Variants in BDH2 observed in about 807,000 individuals in gnomAD.
BDH2 encodes the protein dehydrogenase/reductase SDR family member 6.
A neutral mutation model predicts 33.2 loss-of-function variants in BDH2; 24 were observed. That is an observed-to-expected ratio of 0.72 (90% CI 0.52 to 1.02). BDH2 has a LOEUF of 1.02. BDH2 is among the 50% of genes least tolerant of loss of function. The pLI is 0.00. For synonymous variants in BDH2, 81 were observed against 101.6 expected, an observed-to-expected ratio of 0.80 and a Z score of 1.22; for missense variants, 249 against 301.6, an observed-to-expected ratio of 0.83 and a Z score of 1.29.
intron 1 of BDH2, 21 bp from the exon 2 acceptor site, chr4:103,096,295 T>C: frequency 6.9e-7 from 1 of 1,454,690 alleles, no homozygotes; most frequent in Non-Finnish European, 9.6e-7. Context: ...GTGTGTTTAA[T>C]GGGTTATACT....
chr4:103,086,197 G>T (rs1578502275), intron 6 of BDH2: 2 of 1,198,822 alleles, frequency 1.7e-6, no homozygotes, highest in East Asian at 8.5e-5. Context: ...TTAATTAAAT[G>T]TTAAATGGTT....
chr4:103,085,776 TAACAA>T (rs1476958743), intron 6 of BDH2: 9 of 1,327,912 alleles, frequency 6.8e-6, no homozygotes, highest in African/African-American at 5.9e-5. Flanking sequence ...TGAAGATTAA[TAACAA>T]AACAAAACAA....
intron 5 of BDH2, among the ~76,000 whole-genome samples, chr4:103,089,591 T>G (rs1747973656): frequency 6.6e-6 from 1 of 152,210 alleles, no homozygotes; most frequent in Admixed American, 6.5e-5. Context: ...AGTTTACATT[T>G]CAGCTCCACT....
intron 3 of BDH2, among the ~76,000 whole-genome samples, chr4:103,094,197 A>G (rs1260430101): frequency 1.3e-5 from 2 of 152,210 alleles, no homozygotes; most frequent in Non-Finnish European, 2.9e-5. Flanking sequence ...GTCTCCAGCC[A>G]CATGTGGCTA....
At chr4:103,090,768 C>T (rs1748043752) in intron 5 of BDH2, among the ~76,000 whole-genome samples, 1 of 152,202 alleles carries the variant, frequency 6.6e-6, no homozygotes, top group South Asian at 2.1e-4. Context: ...CCAGTTTCAC[C>T]TTTGCGGTGG....
intron 7 of BDH2, 77 bp from the exon 8 acceptor site, chr4:103,083,006 T>C: frequency 7.8e-7 from 1 of 1,289,798 alleles, no homozygotes; most frequent in Non-Finnish European, 1.1e-6. Context: ...TTCCTTTCCA[T>C]ATGACAATCA....
At position 103,090,112 on chromosome 4, in the gene BDH2, G is replaced by T. The variant is rs551524385; in HGVS notation, c.357+1065C>A. 2.6e-5 allele frequency among the ~76,000 whole-genome samples: 4 copies of T among 152,308 alleles called. No individual in the cohort carries two copies. The East Asian group carries it at 7.7e-4, about 29-fold the overall frequency. The stretch of plus-strand genomic sequence containing the variant: ...AATCCAGCTGGGATGGAAGGGAAAA[G>T]TTGTTCTTCTGCATTTCACTAGGTT... On this transcript the variant is annotated intron_variant, in intron 5 of 9. Coordinates refer to ENST00000296424, the MANE Select transcript of BDH2 (RefSeq NM_020139.4).
intron 5 of BDH2, 24 bp downstream of exon 5, chr4:103,091,153 T>C (rs1466843463): frequency 2.2e-6 from 3 of 1,361,454 alleles, no homozygotes; most frequent in Admixed American, 1.7e-5. Flanking sequence ...GTGCTTATCC[T>C]GGTGGTGGTG....
At chr4:103,095,385 T>C in intron 2 of BDH2, 104 bp from the exon 3 acceptor site, 6 of 830,260 alleles carry the variant, frequency 7.2e-6, no homozygotes, top group East Asian at 2.5e-5. Flanking sequence ...ATTTTCATTG[T>C]TCTTTTCCCT....
intron 4 of BDH2, chr4:103,091,492 C>T (rs1748086336): frequency 2.1e-6 from 1 of 473,008 alleles, no homozygotes; most frequent in African/African-American, 2.0e-5. Flanking sequence ...AAACAAGATC[C>T]TTGTTTTCCA....
intron 1 of BDH2, among the ~76,000 whole-genome samples, chr4:103,098,428 G>A (rs1748508842): frequency 6.6e-6 from 1 of 152,170 alleles, no homozygotes; most frequent in African/African-American, 2.4e-5. Flanking sequence ...TCCCCACTGT[G>A]GCACCAGGAG....
chr4:103,082,234 T>G (rs1578498964), intron 8 of BDH2, 61 bp from the exon 9 acceptor site: 1 of 1,442,496 alleles, frequency 6.9e-7, no homozygotes, highest in East Asian at 2.3e-5. Context: ...CTCACCTGCA[T>G]CTTGTTCAAG....
chr4:103,090,398 A>G (rs1748021841), intron 5 of BDH2, among the ~76,000 whole-genome samples: 1 of 152,222 alleles, frequency 6.6e-6, no homozygotes, highest in Non-Finnish European at 1.5e-5. Flanking sequence ...TCTTGAGCAC[A>G]CACTGTCTCT....
Position 103,097,265 on chromosome 4 carries a change from G to A in BDH2, c.-20-991C>T, listed in dbSNP as rs182383652. Among the ~76,000 whole-genome samples, 384 of 152,260 alleles carry A rather than the reference G, an allele frequency of 2.5e-3. 1 individual carries two copies. Among genetic ancestry groups the A allele is most frequent in the Non-Finnish European group, 4.8e-3 (324 of 68,024 alleles). On this transcript the variant is annotated intron_variant, in intron 1 of 9. Coordinates refer to ENST00000296424, the MANE Select transcript of BDH2 (RefSeq NM_020139.4). ...GAACAGTCCAGCCCACAATGCTGCC[G>A]ATCCTCTTATAAAGTTTAAGCATGC...
In BDH2 at chr4:103,079,389, C is replaced by G. The variant is rs1747403530; in HGVS notation, c.*313G>C. The G allele has an allele frequency of 3.7e-6, 1 of 271,042 alleles. No homozygotes were observed. Among genetic ancestry groups the G allele is most frequent in the Non-Finnish European group, 7.0e-6 (1 of 142,270 alleles). 16.8% of individuals were successfully genotyped at this position (271,042 alleles called of 1,614,324 possible). On this transcript the variant is annotated 3_prime_UTR_variant, in exon 10 of 10. Transcript: ENST00000296424. ...ATAAATGTTTGTTGTCTATGACACT[C>G]CATCTATGGTAATTTGTTATAGCAG...
chr4:103,088,952 A>G (rs888684655), intron 5 of BDH2, among the ~76,000 whole-genome samples: 4 of 152,210 alleles, frequency 2.6e-5, no homozygotes, highest in African/African-American at 9.6e-5. Flanking sequence ...GATATCCCCA[A>G]ATCTTTGCCC....
chr4:103,093,736 T>A (rs1314150109), intron 3 of BDH2, among the ~76,000 whole-genome samples: 1 of 147,602 alleles, frequency 6.8e-6, no homozygotes, highest in Non-Finnish European at 1.5e-5. Context: ...ATACATATAA[T>A]ATATAATTAT....
intron 7 of BDH2, among the ~76,000 whole-genome samples, chr4:103,084,922 A>C (rs78746111): frequency 6.6e-6 from 1 of 151,916 alleles, no homozygotes; most frequent in Non-Finnish European, 1.5e-5. Flanking sequence ...ACCACCCCCC[A>C]TTATCAATTG....
At chr4:103,083,263 G>C (rs143084636) in intron 7 of BDH2, among the ~76,000 whole-genome samples, 1 of 152,136 alleles carries the variant, frequency 6.6e-6, no homozygotes, top group African/African-American at 2.4e-5. Context: ...TATGATCTCA[G>C]CTAATCCTCA....
Sources: gnomAD v4.1 joint callset for allele counts (sites outside exome capture counted in the v4.1 genomes callset) on GRCh38, gnomAD v4.1.1 for gene constraint, MANE v1.5 for transcripts, NCBI Gene and HGNC (gene_info 2026-07-23, HGNC 2026-07-21) for gene names.